SPTBN5: variants seen among roughly 807,000 people sequenced by gnomAD.
SPTBN5 encodes spectrin beta chain, non-erythrocytic 5.
A neutral mutation model predicts 477.6 loss-of-function variants in SPTBN5; 513 were observed. That is an observed-to-expected ratio of 1.07 (90% confidence interval 1.00 to 1.16). SPTBN5 has a LOEUF of 1.16. SPTBN5 is among the 50% of genes most tolerant of loss of function. The probability of loss-of-function intolerance (pLI) is 0.00; values close to 1 mark genes in which losing one functional copy is unlikely to be tolerated. For missense variants in SPTBN5, 5,062 were observed against 4,731.8 expected, an observed-to-expected ratio of 1.07 and a Z score of -2.05; for synonymous variants, 2,169 against 2,011.7, an observed-to-expected ratio of 1.08 and a Z score of -2.09.
chr15:41,884,581 C>G (rs971615151), intron 7 of SPTBN5, among the ~76,000 whole-genome samples: 6 of 152,232 alleles, frequency 3.9e-5, no homozygotes, highest in African/African-American at 1.4e-4. Context: ...TCTGCTTCTG[C>G]CTTTGCCCCT....
intron 23 of SPTBN5, 61 bp downstream of exon 23, chr15:41,874,781 T>G: frequency 6.6e-7 from 1 of 1,524,578 alleles, no homozygotes. Flanking sequence ...GGTGCCATCT[T>G]GTGGGACCTT....
chr15:41,856,429 AGCCGCCTCCGC>A lies in SPTBN5; in HGVS notation c.8967_8977del (p.Arg2990SerfsTer14). 5.0e-6 allele frequency: 8 copies of A among 1,593,120 alleles called. No homozygotes were observed. The highest frequency in any genetic ancestry group is 6.8e-6 in the Non-Finnish European group (8 of 1,168,952). ...GGCCTCCTGAGCCTGCTGCAGCAGAAGCCGCCTCCGCGCCGCCTCTGCCCGCAGGTGGGCCA... is the reference window on the plus strand; with the variant it reads ...GGCCTCCTGAGCCTGCTGCAGCAGAAGCCGCCTCTGCCCGCAGGTGGGCCA... On this transcript the variant is annotated frameshift_variant, in exon 53 of 68. Coordinates refer to ENST00000320955, the MANE Select transcript of SPTBN5 (RefSeq NM_016642.4). LOFTEE classifies it high-confidence loss of function.
chr15:41,875,626 G>A lies in SPTBN5; in HGVS notation c.4123-4C>T, dbSNP rs1356286730. On this transcript the variant is annotated splice_region_variant and splice_polypyrimidine_tract_variant and intron_variant, in intron 21 of 67. Transcript: ENST00000320955. ...TACTCAACAGCTCTCTCCCAACCTG[G>A]AGTGGAGATAAAGGCCCAGGGAGTT... The A allele has an allele frequency of 6.3e-7, 1 of 1,578,278 alleles. No homozygotes were observed. Among genetic ancestry groups the A allele is most frequent in the South Asian group, 1.2e-5 (1 of 86,002 alleles).
intron 41 of SPTBN5, among the ~76,000 whole-genome samples, chr15:41,863,104 AG>A (rs2066174466): frequency 6.6e-6 from 1 of 152,234 alleles, no homozygotes; most frequent in South Asian, 2.1e-4. Context: ...GTCTCCTCTG[AG>A]GGAAGAACCT....
At chr15:41,857,546 GCCA>G in intron 50 of SPTBN5, 24 bp downstream of exon 50, 6 of 1,604,186 alleles carry the variant, frequency 3.7e-6, no homozygotes, top group Non-Finnish European at 5.1e-6. Context: ...AGCCCGGCCA[GCCA>G]CCCCTCGGCC....
chr15:41,874,827 G>T lies in SPTBN5; in HGVS notation c.4502+15C>A. On this transcript the variant is annotated intron_variant, in intron 23 of 67. Transcript: ENST00000320955. ...GGAGGAGTGACACACAGGTGGGTGG[G>T]AGGACAGACCCCACCTCCGGAGGTG... 1.9e-6 allele frequency: 3 copies of T among 1,595,818 alleles called. No homozygotes were observed. The highest frequency in any genetic ancestry group is 2.6e-6 in the Non-Finnish European group (3 of 1,168,212).
In SPTBN5 at chr15:41,887,311, G is replaced by C. The variant is rs776940809; in HGVS notation, c.790C>G (p.Gln264Glu). ...GTCATGATAGAGCGCTCATCTGGCT[G>C]TGCGGCTGCCACGTCCTCGGGGTCC... ...LLDPEDVAAA[Q>E]PDERSIMTYV... Residue 264 changes from glutamine (Q) to glutamate (E), a missense_variant, in exon 6 of 68, where the codon CAG becomes GAG. Coordinates refer to ENST00000320955, the MANE Select transcript of SPTBN5 (RefSeq NM_016642.4). The C allele has an allele frequency of 7.7e-6, 12 of 1,551,298 alleles. No individual in the cohort carries two copies. The highest frequency in any genetic ancestry group is 2.4e-5 in the East Asian group (1 of 40,924).
rs776069478 is a variant in SPTBN5, at chr15:41,852,680, A to G, written c.10403T>C (p.Leu3468Pro). Residue 3468 changes from leucine to proline, a missense_variant, in exon 61 of 68, where the codon CTG (leucine) becomes CCG (proline). Transcript: ENST00000320955. The stretch of plus-strand genomic sequence containing the variant: ...AAACTTCTCTTCCTGGGCTGCCAGC[A>G]GCTTTTCTAAGTCCTGGTGTCTGTG... ...LLHRHQDLEK[L>P]LAAQEEKFAQ... 38 of 1,613,060 alleles carry G rather than the reference A, an allele frequency of 2.4e-5. No homozygotes were observed. Among genetic ancestry groups the G allele is most frequent in the Non-Finnish European group, 2.9e-5 (34 of 1,179,710 alleles).
Position 41,864,014 on chromosome 15 carries a change from C to T in SPTBN5, c.6929G>A (p.Gly2310Asp), listed in dbSNP as rs1325184209. ...FRGNSAGDTV[G>D]DACIRSISDL... ...ACTGATGCTCCTGATGCAGGCATCA[C>T]CCACTGTGTCCTGCAGGGGAGGTAT... The change falls in exon 40 of 68, where the codon GGT becomes GAT. Residue 2310 changes from glycine (G) to aspartate (D), a missense_variant. Transcript: ENST00000320955. 6.2e-7 allele frequency: 1 copy of T among 1,612,388 alleles called. No homozygotes were observed. Among genetic ancestry groups the T allele is most frequent in the East Asian group, 2.2e-5 (1 of 44,890 alleles).
At position 41,887,446 on chromosome 15, in the gene SPTBN5, A is replaced by G. The variant is rs1482458997; in HGVS notation, c.660-5T>C. 1 of 1,549,070 alleles carries G rather than the reference A, an allele frequency of 6.5e-7. No homozygotes were observed. Among genetic ancestry groups the G allele is most frequent in the South Asian group, 1.2e-5 (1 of 84,026 alleles). ...CCGTAGTCCAACAGGTCTGGCCTGG[A>G]CAGACAGTGAGAAGGGCTCTTCACC... On this transcript the variant is annotated splice_region_variant and splice_polypyrimidine_tract_variant and intron_variant, in intron 5 of 67. Transcript: ENST00000320955.
chr15:41,886,903 C>A (rs1734146291), intron 6 of SPTBN5, among the ~76,000 whole-genome samples: 1 of 152,240 alleles, frequency 6.6e-6, no homozygotes, highest in Non-Finnish European at 1.5e-5. Flanking sequence ...GCTCTCTAAG[C>A]CTTTTAATCC....
rs375807298 is a variant in SPTBN5 at position 41,855,680 on chromosome 15, G to A, written c.9087C>T (p.His3029=). 1.7e-5 allele frequency: 27 copies of A among 1,604,086 alleles called. No homozygotes were observed. The African/African-American group carries it at 3.2e-4, about 19-fold the overall frequency. ...GAAGGGCCTGTGTGGCTTCAGCACT[G>A]TGGCCCATGTCCTCGCTGTCCAGGA... ...GHVLDSEDMG[H]SAEATQALLR... is the part of the protein sequence containing the mutation. Residue 3029 remains histidine, a synonymous_variant, in exon 54 of 68, where the codon CAC becomes CAT. Transcript: ENST00000320955.
In SPTBN5 at chr15:41,855,588, T is replaced by C; in HGVS notation, c.9179A>G (p.Gln3060Arg). The C allele has an allele frequency of 6.2e-7, 1 of 1,612,146 alleles. No homozygotes were observed. The highest frequency in any genetic ancestry group is 8.5e-7 in the Non-Finnish European group (1 of 1,179,788). ...AFSPRIERLQ[Q>R]TAALLESRKN... ...CCTGCTCTCCAGGAGTGCTGCTGTCTGCTGCAGCCGCTCGATGCGTGGGCT... is the reference window on the plus strand; with the variant it reads ...CCTGCTCTCCAGGAGTGCTGCTGTCCGCTGCAGCCGCTCGATGCGTGGGCT... Residue 3060 changes from glutamine to arginine, a missense_variant, in exon 54 of 68, where the codon CAG becomes CGG. Physicochemically the swap from Gln to Arg is conservative, Grantham distance 43. Coordinates refer to ENST00000320955, the MANE Select transcript of SPTBN5 (RefSeq NM_016642.4).
intron 15 of SPTBN5, 99 bp downstream of exon 15, chr15:41,879,635 C>T (rs1193426810): frequency 2.5e-6 from 4 of 1,588,642 alleles, no homozygotes; most frequent in African/African-American, 2.7e-5. Context: ...CGGACACGTC[C>T]AGCCTCTCCA....
chr15:41,863,663 T>C, intron 41 of SPTBN5, 41 bp downstream of exon 41: 1 of 1,536,826 alleles, frequency 6.5e-7, no homozygotes, highest in Non-Finnish European at 9.0e-7. Flanking sequence ...CCTGACTGCA[T>C]TTGCTCACAG....
At position 41,848,334 on chromosome 15, in the gene SPTBN5, T is replaced by C. The variant is rs2065623467; in HGVS notation, c.*282A>G. 1.8e-6 allele frequency: 1 copy of C among 549,908 alleles called. No homozygotes were observed. Among genetic ancestry groups the C allele is most frequent in the Admixed American group, 3.1e-5 (1 of 32,014 alleles). The allele number at this position is 549,908 out of a possible 1,614,324, so 34.1% of individuals were successfully genotyped here. A position where few individuals can be genotyped will look rare whatever the true frequency, so the allele number is the denominator to read the frequency against. ...CCTTCCAAGCAAGGAGGAGGCCACA[T>C]GGGCCTGGGGTAGCCCTGGCCTTGC... On this transcript the variant is annotated 3_prime_UTR_variant, in exon 68 of 68. Coordinates refer to ENST00000320955, the MANE Select transcript of SPTBN5 (RefSeq NM_016642.4).
intron 62 of SPTBN5, 31 bp downstream of exon 62, chr15:41,852,151 G>A (rs577698137): frequency 1.3e-6 from 2 of 1,549,778 alleles, no homozygotes; most frequent in Admixed American, 1.9e-5. Flanking sequence ...GACCACGGCG[G>A]GGGTGCCTGC....
In SPTBN5 at chr15:41,858,796, C is replaced by T. The variant is rs149490211; in HGVS notation, c.8080-48G>A. The T allele has an allele frequency of 6.8e-4, 1,080 of 1,581,512 alleles. 4 individuals are homozygous for T. The highest frequency in any genetic ancestry group is 6.7e-3 in the Middle Eastern group (40 of 5,984). ...CCTGCTGTCCAGGGCTTTCCCCTTCCCCTGACCTCTGGGATACCCCAGAGG... is the reference window on the plus strand; with the variant it reads ...CCTGCTGTCCAGGGCTTTCCCCTTCTCCTGACCTCTGGGATACCCCAGAGG... On this transcript the variant is annotated intron_variant, in intron 48 of 67. Coordinates refer to ENST00000320955, the MANE Select transcript of SPTBN5 (RefSeq NM_016642.4).
rs766825957 is a variant in SPTBN5, at chr15:41,856,875, C to T, written c.8786G>A (p.Arg2929Gln). Residue 2929 changes from arginine to glutamine, a missense_variant, in exon 52 of 68, where the codon CGG (arginine) becomes CAG (glutamine). Transcript: ENST00000320955. ...QDYGQSLSAV[R>Q]HLQEQHQNLE... ...CACCTGGTGCTGCTCCTGCAGGTGC[C>T]GCACCGCACTCAGGCTCTGGCCATA... 2.3e-5 allele frequency: 36 copies of T among 1,549,154 alleles called. No individual in the cohort carries two copies. The highest frequency in any genetic ancestry group is 3.6e-5 in the South Asian group (3 of 84,066).
Sources: allele counts gnomAD v4.1 joint callset (sites outside exome capture counted in the v4.1 genomes callset), GRCh38; gene constraint gnomAD v4.1.1; transcripts MANE v1.5; gene names NCBI Gene and HGNC (gene_info 2026-07-23, HGNC 2026-07-21).